RALGPS2: variants seen among roughly 807,000 people sequenced by gnomAD.
RALGPS2 encodes the protein Ral GEF with PH domain and SH3 binding motif 2, also known as ras-specific guanine nucleotide-releasing factor RalGPS2.
In RALGPS2, 43 loss-of-function variants were observed where a neutral mutation model predicts 86.8. The ratio of observed to expected loss-of-function variants is 0.50; its 90% confidence interval spans 0.39 to 0.64. RALGPS2 has a LOEUF of 0.64. RALGPS2 is among the 30% of genes least tolerant of loss of function. The pLI is 0.00. For missense variants in RALGPS2, 536 were observed against 694.6 expected (o/e 0.77, Z 2.57); for synonymous variants, 243 against 231.3 (o/e 1.05, Z -0.46).
At chr1:178,735,196 TG>T (rs1650602948) in intron 1 of RALGPS2, among the ~76,000 whole-genome samples, 1 of 152,104 alleles carries the variant, frequency 6.6e-6, no homozygotes. Flanking sequence ...TCAGCAAACA[TG>T]GGTGACTATC....
chr1:178,762,221 G>A (rs912376540), intron 1 of RALGPS2, among the ~76,000 whole-genome samples: 6 of 152,178 alleles, frequency 3.9e-5, no homozygotes, highest in Non-Finnish European at 8.8e-5. Context: ...ATTCCATGAT[G>A]TATATATGCC....
intron 2 of RALGPS2, among the ~76,000 whole-genome samples, chr1:178,783,691 T>C (rs1558117741): frequency 6.6e-6 from 1 of 152,166 alleles, no homozygotes; most frequent in East Asian, 1.9e-4. Context: ...CACCATTTAA[T>C]AGAGCCTGAT....
chr1:178,734,240 T>C (rs1450115181), intron 1 of RALGPS2, among the ~76,000 whole-genome samples: 1 of 152,198 alleles, frequency 6.6e-6, no homozygotes, highest in Non-Finnish European at 1.5e-5. Flanking sequence ...GAAATTGGGA[T>C]CCTCATACAC....
At chr1:178,766,416 A>T (rs1225066485) in intron 1 of RALGPS2, among the ~76,000 whole-genome samples, 4 of 149,156 alleles carry the variant, frequency 2.7e-5, no homozygotes, top group Non-Finnish European at 5.9e-5. Context: ...TTTAGTAGAG[A>T]TGGGGTTTTG....
intron 4 of RALGPS2, among the ~76,000 whole-genome samples, chr1:178,794,791 T>C (rs1654111054): frequency 1.3e-5 from 2 of 152,166 alleles, no homozygotes; most frequent in Non-Finnish European, 2.9e-5. Flanking sequence ...TGTGCTGTAG[T>C]TATTACATTG....
chr1:178,788,468 TG>T (rs905574673), intron 4 of RALGPS2, among the ~76,000 whole-genome samples: 2 of 152,046 alleles, frequency 1.3e-5, no homozygotes, highest in Admixed American at 1.3e-4. Flanking sequence ...GTGAGGGTAG[TG>T]GGAGTTGCAA....
At position 178,776,090 on chromosome 1, in the gene RALGPS2, G is replaced by C. The variant is rs113845746; in HGVS notation, c.-83-592G>C. On this transcript the variant is annotated intron_variant, in intron 1 of 19. Coordinates refer to ENST00000367635, the MANE Select transcript of RALGPS2 (RefSeq NM_152663.5). ...TAAAGTATACAAGAGGATGTGTATAGGTGATATGCAAATACTGCACCATTA... is the reference window on the plus strand; with the variant it reads ...TAAAGTATACAAGAGGATGTGTATACGTGATATGCAAATACTGCACCATTA... 4.9e-3 allele frequency among the ~76,000 whole-genome samples: 752 copies of C among 152,232 alleles called. 7 individuals are homozygous for C. Among genetic ancestry groups the C allele is most frequent in the African/African-American group, 0.016 (683 of 41,550 alleles).
intron 1 of RALGPS2, among the ~76,000 whole-genome samples, chr1:178,738,054 A>G (rs916779202): frequency 6.6e-6 from 1 of 152,136 alleles, no homozygotes; most frequent in African/African-American, 2.4e-5. Context: ...TGCTGGGATT[A>G]CAGCATGAGC....
At position 178,753,132 on chromosome 1, in the gene RALGPS2, T is replaced by G. The variant is rs570378111; in HGVS notation, c.-83-23550T>G. On this transcript the variant is annotated intron_variant, in intron 1 of 19. Transcript: ENST00000367635. ...GGCACTGAATGTGCCATACTGGTTA[T>G]GTGGACTTGGCAAGATCACATGACC... Among the ~76,000 whole-genome samples the G allele has an allele frequency of 5.3e-5, 8 of 152,350 alleles. No individual in the cohort carries two copies. In the East Asian group the frequency reaches 1.3e-3, roughly 26 times the overall value.
chr1:178,814,656 C>A (rs527648372), intron 6 of RALGPS2, among the ~76,000 whole-genome samples: 2 of 152,076 alleles, frequency 1.3e-5, no homozygotes, highest in Non-Finnish European at 2.9e-5. Flanking sequence ...CATTATGTTG[C>A]CCAGGCTGGT....
chr1:178,892,324 T>C lies in RALGPS2; in HGVS notation c.1325+17T>C. The stretch of plus-strand genomic sequence containing the variant: ...GGCCAGCAGGTACAATTCCCCTGCA[T>C]TCAGGGGTCACAGAACTCCCTTATG... On this transcript the variant is annotated intron_variant, in intron 15 of 19. Coordinates refer to ENST00000367635, the MANE Select transcript of RALGPS2 (RefSeq NM_152663.5). 1 of 1,607,810 alleles carries C rather than the reference T, an allele frequency of 6.2e-7. No homozygotes were observed. Among genetic ancestry groups the C allele is most frequent in the Non-Finnish European group, 8.5e-7 (1 of 1,174,752 alleles).
intron 18 of RALGPS2, among the ~76,000 whole-genome samples, chr1:178,903,341 A>T (rs924296410): frequency 2.0e-5 from 3 of 152,138 alleles, no homozygotes; most frequent in African/African-American, 7.2e-5. Flanking sequence ...CAGAATAAAT[A>T]CACCCTACTC....
At chr1:178,766,435 G>T (rs1365989454) in intron 1 of RALGPS2, among the ~76,000 whole-genome samples, 1 of 151,468 alleles carries the variant, frequency 6.6e-6, no homozygotes, top group African/African-American at 2.4e-5. Context: ...TGCTGTGTTG[G>T]CCAGGCTGGT....
intron 8 of RALGPS2, among the ~76,000 whole-genome samples, chr1:178,863,555 G>C (rs1052049542): frequency 6.6e-6 from 1 of 152,194 alleles, no homozygotes; most frequent in Non-Finnish European, 1.5e-5. Context: ...CGACAGATAA[G>C]CTGAAAGAAG....
intron 8 of RALGPS2, among the ~76,000 whole-genome samples, chr1:178,871,958 GA>G (rs1411495009): frequency 5.3e-5 from 8 of 152,206 alleles, no homozygotes; most frequent in Non-Finnish European, 8.8e-5. Flanking sequence ...TTCATTAATT[GA>G]AGAAATGTTA....
chr1:178,833,403 G>A, intron 7 of RALGPS2, 21 bp from the exon 8 acceptor site: 2 of 1,484,408 alleles, frequency 1.3e-6, no homozygotes, highest in Non-Finnish European at 8.9e-7. Context: ...AATAACTTAG[G>A]TTTTTCTGTT....
intron 19 of RALGPS2, among the ~76,000 whole-genome samples, chr1:178,908,249 C>CT (rs1156589937): frequency 6.6e-6 from 1 of 152,180 alleles, no homozygotes; most frequent in Non-Finnish European, 1.5e-5. Flanking sequence ...ATGTTGCTGC[C>CT]AAGGGCATAA....
At chr1:178,826,058 A>G (rs191429426) in intron 7 of RALGPS2, among the ~76,000 whole-genome samples, 5 of 152,224 alleles carry the variant, frequency 3.3e-5, no homozygotes, top group African/African-American at 1.2e-4. Flanking sequence ...TTTGCAGAGG[A>G]TGGACCATGA....
intron 17 of RALGPS2, among the ~76,000 whole-genome samples, chr1:178,900,395 T>G (rs1227691965): frequency 6.6e-6 from 1 of 151,832 alleles, no homozygotes; most frequent in East Asian, 1.9e-4. Flanking sequence ...AGACAAAAAT[T>G]TAAAAGATTG....
Sources: allele counts gnomAD v4.1 joint callset (sites outside exome capture counted in the v4.1 genomes callset), GRCh38; gene constraint gnomAD v4.1.1; transcripts MANE v1.5; gene names NCBI Gene and HGNC (gene_info 2026-07-23, HGNC 2026-07-21).